The following ARHGEF33 variants were observed in gnomAD, a reference collection of about 807,000 sequenced individuals.
ARHGEF33 encodes the protein Rho guanine nucleotide exchange factor 33.
In ARHGEF33, 72 loss-of-function variants were observed where a neutral mutation model predicts 101.9. That is an observed-to-expected ratio of 0.71 (90% confidence interval 0.58 to 0.86). ARHGEF33 has a LOEUF of 0.86. Among genes scored for constraint, ARHGEF33 ranks in the 40% least tolerant of loss-of-function variants. ARHGEF33 has a pLI of 0.00. For synonymous variants in ARHGEF33, 499 were observed against 442.5 expected (o/e 1.13, Z -1.60); for missense variants, 1,169 against 1,111.3 (o/e 1.05, Z -0.74).
chr2:38,924,380 T>C (rs1405525228), intron 4 of ARHGEF33, among the ~76,000 whole-genome samples: 1 of 152,194 alleles, frequency 6.6e-6, no homozygotes, highest in Non-Finnish European at 1.5e-5. Context: ...CAGAGCTCTT[T>C]TCCCGAGTCA....
chr2:38,972,136 C>T (rs1446857031), intron 17 of ARHGEF33, among the ~76,000 whole-genome samples: 1 of 152,286 alleles, frequency 6.6e-6, no homozygotes, highest in South Asian at 2.1e-4. Context: ...CCCCTGACCT[C>T]CTGCCCCTAA....
At chr2:38,906,361 A>G (rs1227197277) in intron 2 of ARHGEF33, among the ~76,000 whole-genome samples, 1 of 152,164 alleles carries the variant, frequency 6.6e-6, no homozygotes, top group African/African-American at 2.4e-5. Flanking sequence ...AATTGAAATA[A>G]TGCAACAATA....
In ARHGEF33 at chr2:38,950,784, G is replaced by GT. The variant is rs965495431; in HGVS notation, c.921-197dup. Among the ~76,000 whole-genome samples, 14 of 152,090 alleles carry GT rather than the reference G, an allele frequency of 9.2e-5. No individual in the cohort carries two copies. In the South Asian group the frequency reaches 1.9e-3, roughly 20 times the overall value. ...ATTTGTATAGAAGCCATTAGTAAAG[G>GT]TTTTTTTTGTTTTGTTTTGTTTTTC... On this transcript the variant is annotated intron_variant, in intron 10 of 17. Coordinates refer to ENST00000409978, the MANE Select transcript of ARHGEF33 (RefSeq NM_001145451.5).
chr2:38,938,528 G>T (rs1426671457), intron 9 of ARHGEF33, among the ~76,000 whole-genome samples: 2 of 152,074 alleles, frequency 1.3e-5, no homozygotes, highest in Non-Finnish European at 2.9e-5. Flanking sequence ...AACAGAACAA[G>T]ACCCTAACTC....
At chr2:38,910,382 G>A (rs987869083) in intron 2 of ARHGEF33, among the ~76,000 whole-genome samples, 1 of 152,118 alleles carries the variant, frequency 6.6e-6, no homozygotes, top group Admixed American at 6.5e-5. Context: ...ACCAGCCTGG[G>A]CAACACGGTG....
In ARHGEF33 at chr2:38,935,842, ACTCTT is replaced by A. The variant is rs1364125769; in HGVS notation, c.565+14_565+18del. On this transcript the variant is annotated intron_variant, in intron 8 of 17. Transcript: ENST00000409978. ...AAGGAATGATGGGTCCTGGTAAGTGACTCTTCTCTTAGTTTTCTTTTCTTCCAGCA... is the reference window on the plus strand; with the variant it reads ...AAGGAATGATGGGTCCTGGTAAGTGACTCTTAGTTTTCTTTTCTTCCAGCA... 6.5e-7 allele frequency: 1 copy of A among 1,546,240 alleles called. No individual in the cohort carries two copies. The highest frequency in any genetic ancestry group is 1.4e-5 in the African/African-American group (1 of 72,770).
intron 2 of ARHGEF33, among the ~76,000 whole-genome samples, chr2:38,903,231 T>C (rs1047292313): frequency 2.0e-5 from 3 of 152,030 alleles, no homozygotes; most frequent in African/African-American, 4.8e-5. Context: ...GGACAATTAA[T>C]AGTACATTAA....
chr2:38,974,729 G>C lies in ARHGEF33; in HGVS notation c.*886G>C, dbSNP rs986313951. 2 of 152,226 alleles carry C rather than the reference G, an allele frequency of 1.3e-5. No homozygotes were observed. The highest frequency in any genetic ancestry group is 4.8e-5 in the African/African-American group (2 of 41,454). The allele number at this position is 152,226 out of a possible 1,614,324, so 9.4% of individuals were successfully genotyped here. On this transcript the variant is annotated 3_prime_UTR_variant, in exon 18 of 18. Transcript: ENST00000409978. The stretch of plus-strand genomic sequence containing the variant: ...AAAAAGACTTTCTGCAGCCTGAAAA[G>C]AAGGTGGCAATAGCACCAAAACTTC...
rs1280423450 is a variant in ARHGEF33, at chr2:38,960,225, C to G, written c.1920C>G (p.Phe640Leu). ...AGCCGTTCCAGGCTCCGGCCCTCTT[C>G]GAGAACTGCTCGCCTGCCTCCTCCG... Reference protein sequence around the residue: ...DEEPFQAPALFENCSPASSES... With the variant: ...DEEPFQAPALLENCSPASSES... The change falls in exon 16 of 18, where the codon TTC becomes TTG. Residue 640 changes from phenylalanine to leucine, a missense_variant. Phe to Leu is a conservative substitution (Grantham distance 22). Transcript: ENST00000409978. 2 of 1,547,656 alleles carry G rather than the reference C, an allele frequency of 1.3e-6. No homozygotes were observed. The highest frequency in any genetic ancestry group is 2.0e-5 in the Admixed American group (1 of 50,938).
At chr2:38,966,606 T>A (rs191816763) in intron 17 of ARHGEF33, among the ~76,000 whole-genome samples, 128 of 152,304 alleles carry the variant, frequency 8.4e-4, no homozygotes, top group African/African-American at 2.8e-3. Context: ...CCAATTCATG[T>A]TTATTAGGAC....
chr2:38,892,766 A>C (rs557215828), intron 1 of ARHGEF33, among the ~76,000 whole-genome samples: 1 of 152,252 alleles, frequency 6.6e-6, no homozygotes, highest in African/African-American at 2.4e-5. Flanking sequence ...TCTTGGGTGA[A>C]GCATACATTT....
At chr2:38,970,280 C>A (rs941998568) in intron 17 of ARHGEF33, among the ~76,000 whole-genome samples, 8 of 152,198 alleles carry the variant, frequency 5.3e-5, no homozygotes, top group Admixed American at 4.6e-4. Context: ...CGTATGTAAT[C>A]ATTTTATCTC....
In ARHGEF33 at chr2:38,937,144, G is replaced by A. The variant is rs887932273; in HGVS notation, c.566-191G>A. The A allele has an allele frequency of 7.2e-5, 36 of 502,958 alleles. 1 individual carries two copies. Among genetic ancestry groups the A allele is most frequent in the Middle Eastern group, 5.4e-4 (1 of 1,842 alleles). The allele number at this position is 502,958 out of a possible 1,614,324, so 31.2% of individuals were successfully genotyped here. A position where few individuals can be genotyped will look rare whatever the true frequency, so the allele number is the denominator to read the frequency against. On this transcript the variant is annotated intron_variant, in intron 8 of 17. Transcript: ENST00000409978. ...TGAGTAGCTGGGACTACAGGTGCCC[G>A]CCACCACGCCCAGCTAATTTTTTAT...
intron 17 of ARHGEF33, among the ~76,000 whole-genome samples, chr2:38,973,491 T>C (rs1668211046): frequency 6.6e-6 from 1 of 152,146 alleles, no homozygotes; most frequent in African/African-American, 2.4e-5. Context: ...ACATATACAA[T>C]TGTCACAATT....
At position 38,950,382 on chromosome 2, in the gene ARHGEF33, C is replaced by T. The variant is rs192291734; in HGVS notation, c.921-607C>T. Among the ~76,000 whole-genome samples the T allele has an allele frequency of 9.2e-5, 14 of 152,256 alleles. No homozygotes were observed. In the East Asian group the frequency reaches 2.7e-3, roughly 29 times the overall value. On this transcript the variant is annotated intron_variant, in intron 10 of 17. Coordinates refer to ENST00000409978, the MANE Select transcript of ARHGEF33 (RefSeq NM_001145451.5). ...TGAAAAAGGTATCCCTTAGAATTTC[C>T]ACTGCGTGTCATTTAAATGAGCATG...
Position 38,960,425 on chromosome 2 carries a change from GCT to G in ARHGEF33, c.2126_2127del (p.Leu709GlnfsTer91). Reference sequence around the variant, plus strand: ...CACGGCAAGGCCAAGCCGCTGAGCCGCTCTCTCAAAGAGTTCCCGCGTGCGCC... The same window carrying G: ...CACGGCAAGGCCAAGCCGCTGAGCCGCTCTCAAAGAGTTCCCGCGTGCGCC... On this transcript the variant is annotated frameshift_variant, in exon 16 of 18. Coordinates refer to ENST00000409978, the MANE Select transcript of ARHGEF33 (RefSeq NM_001145451.5). LOFTEE classifies it high-confidence loss of function. 1.3e-6 allele frequency: 2 copies of G among 1,514,954 alleles called. No homozygotes were observed. Among genetic ancestry groups the G allele is most frequent in the Non-Finnish European group, 1.8e-6 (2 of 1,137,888 alleles). The allele number at this position is 1,514,954 out of a possible 1,614,324, so 93.8% of individuals were successfully genotyped here. A position where few individuals can be genotyped will look rare whatever the true frequency, so the allele number is the denominator to read the frequency against.
Position 38,959,964 on chromosome 2 carries a change from G to A in ARHGEF33, c.1659G>A (p.Leu553=), listed in dbSNP as rs368312303. The A allele has an allele frequency of 9.0e-5, 139 of 1,551,222 alleles. No individual in the cohort carries two copies. In the African/African-American group the frequency reaches 1.7e-3, roughly 19 times the overall value. The change falls in exon 16 of 18, where the codon CTG becomes CTA. Residue 553 remains leucine (L), a synonymous_variant. Transcript: ENST00000409978. The part of the protein sequence containing the change: ...GRKHERPESL[L]APTQFCAAEQ... ...AGCACGAGCGGCCCGAGAGCCTTCT[G>A]GCACCGACGCAGTTCTGCGCGGCCG...
chr2:38,939,160 A>G (rs1667235228), intron 9 of ARHGEF33, among the ~76,000 whole-genome samples: 1 of 152,124 alleles, frequency 6.6e-6, no homozygotes, highest in South Asian at 2.1e-4. Context: ...TTTAGTAGAG[A>G]CAGGGTTTTC....
intron 8 of ARHGEF33, chr2:38,936,808 T>A (rs1260402430): frequency 1.3e-5 from 2 of 151,542 alleles, no homozygotes; most frequent in African/African-American, 4.8e-5. Context: ...AAACCTCAGC[T>A]CTACTAAAAA....
Sources: allele counts gnomAD v4.1 joint callset (sites outside exome capture counted in the v4.1 genomes callset), GRCh38; gene constraint gnomAD v4.1.1; transcripts MANE v1.5; gene names NCBI Gene and HGNC (gene_info 2026-07-23, HGNC 2026-07-21).